The following ZNF518B variants were observed in gnomAD, a reference collection of about 807,000 sequenced individuals.
ZNF518B encodes zinc finger protein 518B.
In ZNF518B, 23 loss-of-function variants were observed where a neutral mutation model predicts 56.3. The ratio of observed to expected loss-of-function variants is 0.41; its 90% confidence interval spans 0.29 to 0.58. ZNF518B has a LOEUF of 0.58. Ranked by LOEUF, ZNF518B falls within the 20% of genes least tolerant of loss-of-function variation. The pLI is 0.32. For missense variants in ZNF518B, 1,460 were observed against 1,272.1 expected, an observed-to-expected ratio of 1.15 and a Z score of -2.25; for synonymous variants, 529 against 465.9, an observed-to-expected ratio of 1.14 and a Z score of -1.74.
intron 2 of ZNF518B, among the ~76,000 whole-genome samples, chr4:10,448,729 C>T (rs1715175136): frequency 6.6e-6 from 1 of 152,118 alleles, no homozygotes; most frequent in Non-Finnish European, 1.5e-5. Flanking sequence ...TGATTTTGCA[C>T]AGGACACATG....
upstream of ZNF518B, among the ~76,000 whole-genome samples, chr4:10,457,800 G>A (rs1017220106): frequency 6.6e-6 from 1 of 152,220 alleles, no homozygotes; most frequent in African/African-American, 2.4e-5. Context: ...CAGGTCCTCA[G>A]CCTCCAAACT....
intron 2 of ZNF518B, among the ~76,000 whole-genome samples, chr4:10,448,802 T>A (rs1280662183): frequency 6.6e-6 from 1 of 152,162 alleles, no homozygotes; most frequent in Non-Finnish European, 1.5e-5. Flanking sequence ...ACACTGCATT[T>A]CTGGAAGAGA....
Position 10,440,083 on chromosome 4 carries a change from C to T in ZNF518B, c.*3021G>A, listed in dbSNP as rs922374783. The T allele has an allele frequency of 6.6e-5, 10 of 152,464 alleles. No individual in the cohort carries two copies. The highest frequency in any genetic ancestry group is 2.6e-4 in the Admixed American group (4 of 15,264). The allele number at this position is 152,464 out of a possible 1,614,324, so 9.4% of individuals were successfully genotyped here. On this transcript the variant is annotated 3_prime_UTR_variant, in exon 3 of 3. Transcript: ENST00000326756. ...CAGATTTAAAAATTATTCCAAAGGCCGAGCAACATCACATCTTCAACTTCT... is the reference window on the plus strand; with the variant it reads ...CAGATTTAAAAATTATTCCAAAGGCTGAGCAACATCACATCTTCAACTTCT...
chr4:10,443,039 T>C lies in ZNF518B; in HGVS notation c.*65A>G, dbSNP rs1439050925. ...CAGTCTGTATTTCTTCTACTGAATCTTGGTGGAGGGACTCCAAACCAGAAT... is the reference window on the plus strand; with the variant it reads ...CAGTCTGTATTTCTTCTACTGAATCCTGGTGGAGGGACTCCAAACCAGAAT... On this transcript the variant is annotated 3_prime_UTR_variant, in exon 3 of 3. Coordinates refer to ENST00000326756, the MANE Select transcript of ZNF518B (RefSeq NM_053042.3). 7 of 1,391,948 alleles carry C rather than the reference T, an allele frequency of 5.0e-6. No homozygotes were observed. In the South Asian group the frequency reaches 9.5e-5, roughly 19 times the overall value. The allele number at this position is 1,391,948 out of a possible 1,614,324, so 86.2% of individuals were successfully genotyped here. A position where few individuals can be genotyped will look rare whatever the true frequency, so the allele number is the denominator to read the frequency against.
chr4:10,446,429 G>A lies in ZNF518B; in HGVS notation c.-101C>T. The stretch of plus-strand genomic sequence containing the variant: ...TCTATACAGTTTGTGATGGGTAGGG[G>A]CGCAGCTACTTCTTGGGTGCATACT... On this transcript the variant is annotated 5_prime_UTR_variant, in exon 3 of 3. Transcript: ENST00000326756. The A allele has an allele frequency of 2.7e-6, 3 of 1,123,712 alleles. No individual in the cohort carries two copies. The highest frequency in any genetic ancestry group is 1.5e-5 in the South Asian group (1 of 65,090). The allele number at this position is 1,123,712 out of a possible 1,614,324, so 69.6% of individuals were successfully genotyped here. A position where few individuals can be genotyped will look rare whatever the true frequency, so the allele number is the denominator to read the frequency against.
Position 10,444,055 on chromosome 4 carries a change from G to A in ZNF518B, c.2274C>T (p.Ser758=), listed in dbSNP as rs751589648. ...FADGSNRKTK[S]RVARKAHVAT... The stretch of plus-strand genomic sequence containing the variant: ...CAACATGAGCCTTCCTGGCCACTCT[G>A]CTTTTGGTTTTCCTATTACTGCCAT... Residue 758 remains serine (S), a synonymous_variant, in exon 3 of 3, where the codon AGC becomes AGT. Coordinates refer to ENST00000326756, the MANE Select transcript of ZNF518B (RefSeq NM_053042.3). 2 of 1,614,210 alleles carry A rather than the reference G, an allele frequency of 1.2e-6. No homozygotes were observed. The highest frequency in any genetic ancestry group is 8.5e-7 in the Non-Finnish European group (1 of 1,180,040).
rs376163370 is a variant in ZNF518B at position 10,445,524 on chromosome 4, T to C, written c.805A>G (p.Lys269Glu). The change falls in exon 3 of 3, where the codon AAA becomes GAA. Residue 269 changes from lysine (K) to glutamate (E), a missense_variant. Coordinates refer to ENST00000326756, the MANE Select transcript of ZNF518B (RefSeq NM_053042.3). ...AACATGATATTGTGCATTTTGTCTTTATTTGCATGGAGAGAGAAACCTGAC... is the reference window on the plus strand; with the variant it reads ...AACATGATATTGTGCATTTTGTCTTCATTTGCATGGAGAGAGAAACCTGAC... Reference protein sequence around the residue: ...QLSGFSLHANKDKMHNIMLLP... With the variant: ...QLSGFSLHANEDKMHNIMLLP... 116 of 1,614,222 alleles carry C rather than the reference T, an allele frequency of 7.2e-5. No individual in the cohort carries two copies. In the East Asian group the frequency reaches 2.0e-3, roughly 29 times the overall value.
chr4:10,442,291 T>G lies in ZNF518B; in HGVS notation c.*813A>C, dbSNP rs1412730735. ...CCTAGCATTTTAAATTGGTCACTTATGTTTCTGGGAGTGGTAAGGGCAAAG... is the reference window on the plus strand; with the variant it reads ...CCTAGCATTTTAAATTGGTCACTTAGGTTTCTGGGAGTGGTAAGGGCAAAG... On this transcript the variant is annotated 3_prime_UTR_variant, in exon 3 of 3. Transcript: ENST00000326756. The G allele has an allele frequency of 6.6e-6, 1 of 152,266 alleles. No homozygotes were observed. The highest frequency in any genetic ancestry group is 1.5e-5 in the Non-Finnish European group (1 of 68,040). The allele number at this position is 152,266 out of a possible 1,614,324, so 9.4% of individuals were successfully genotyped here.
chr4:10,457,002 C>G (rs1192371833), intron 1 of ZNF518B: 1 of 149,800 alleles, frequency 6.7e-6, no homozygotes, highest in Non-Finnish European at 1.5e-5. Flanking sequence ...CAAAGGCGAG[C>G]TGGGGGCGCC....
chr4:10,447,080 A>G (rs1252768558), intron 2 of ZNF518B, among the ~76,000 whole-genome samples: 1 of 152,168 alleles, frequency 6.6e-6, no homozygotes, highest in Non-Finnish European at 1.5e-5. Context: ...CATAATACTG[A>G]CAATGTTAGC....
Position 10,445,767 on chromosome 4 carries a change from A to G in ZNF518B, c.562T>C (p.Phe188Leu), listed in dbSNP as rs1715008940. 9 of 1,614,226 alleles carry G rather than the reference A, an allele frequency of 5.6e-6. No homozygotes were observed. Among genetic ancestry groups the G allele is most frequent in the Non-Finnish European group, 7.6e-6 (9 of 1,180,036 alleles). ...QRHLVKHTGI[F>L]PYQCEYCDYG... is the part of the protein sequence containing the mutation. ...TCACAATACTCACACTGATAAGGAA[A>G]TATGCCTGTGTGTTTCACCAAATGC... The change falls in exon 3 of 3, where the codon TTT (phenylalanine) becomes CTT (leucine). Residue 188 changes from phenylalanine (F) to leucine (L), a missense_variant. Transcript: ENST00000326756.
upstream of ZNF518B, among the ~76,000 whole-genome samples, chr4:10,459,003 G>A (rs1715660176): frequency 6.6e-6 from 1 of 152,146 alleles, no homozygotes; most frequent in Non-Finnish European, 1.5e-5. Flanking sequence ...AGGTACCTGT[G>A]GGTCTCCTGG....
intron 2 of ZNF518B, chr4:10,450,982 G>C (rs4426767): frequency 1.3e-5 from 2 of 152,242 alleles, no homozygotes; most frequent in African/African-American, 2.4e-5. Context: ...TGTAGAATAA[G>C]GTACAGCATG....
In ZNF518B at chr4:10,443,660, T is replaced by C. The variant is rs749336124; in HGVS notation, c.2669A>G (p.Lys890Arg). 3 of 1,613,924 alleles carry C rather than the reference T, an allele frequency of 1.9e-6. No individual in the cohort carries two copies. Among genetic ancestry groups the C allele is most frequent in the African/African-American group, 1.3e-5 (1 of 74,900 alleles). Residue 890 changes from lysine (K) to arginine (R), a missense_variant, in exon 3 of 3, where the codon AAA becomes AGA. Coordinates refer to ENST00000326756, the MANE Select transcript of ZNF518B (RefSeq NM_053042.3). ...LSRSLSISRN[K>R]TKQVHLSRKK... ...CCTGGATAAGTGTACTTGTTTGGTT[T>C]TATTTCTACTTATAGAAAGACTTCT... is the stretch of plus-strand genomic sequence containing the variant.
chr4:10,453,626 A>T (rs1715415431), intron 2 of ZNF518B: 1 of 152,218 alleles, frequency 6.6e-6, no homozygotes, highest in Non-Finnish European at 1.5e-5. Flanking sequence ...TATATGGTAA[A>T]AATAAGGTAG....
intron 2 of ZNF518B, chr4:10,453,484 T>C (rs938932592): frequency 9.2e-5 from 14 of 152,164 alleles, no homozygotes; most frequent in African/African-American, 1.7e-4. Context: ...AGTGATATTA[T>C]AGGCTTTTTC....
upstream of ZNF518B, among the ~76,000 whole-genome samples, chr4:10,457,882 C>T (rs1247988558): frequency 6.6e-6 from 1 of 152,232 alleles, no homozygotes; most frequent in African/African-American, 2.4e-5. Flanking sequence ...TCTCCCTACT[C>T]CTTTACATCT....
Position 10,446,196 on chromosome 4 carries a change from A to G in ZNF518B, c.133T>C (p.Tyr45His). 1 of 1,614,208 alleles carries G rather than the reference A, an allele frequency of 6.2e-7. No individual in the cohort carries two copies. The highest frequency in any genetic ancestry group is 8.5e-7 in the Non-Finnish European group (1 of 1,180,026). The change falls in exon 3 of 3, where the codon TAT (tyrosine) becomes CAT (histidine). Residue 45 changes from tyrosine (Y) to histidine (H), a missense_variant. Physicochemically the swap from Tyr to His is moderately conservative, Grantham distance 83 (BLOSUM62 2). Transcript: ENST00000326756. ...GCAGCCTCTGCCTCTGAGCCTTGAT[A>G]CAAAAGGGTTTGTGCTTCTTGTCTA... Reference protein sequence around the residue: ...PNRQEAQTLLYQGSEAEAAMM... With the variant: ...PNRQEAQTLLHQGSEAEAAMM...
chr4:10,443,541 G>A lies in ZNF518B; in HGVS notation c.2788C>T (p.Pro930Ser), dbSNP rs147759499. ...CGGGGACACTTAATCAACTGATCTG[G>A]CTTAGCTGCTATCAGTCTTAGTTGC... ...ARQLRLIAAKPDQLIKCPRRN... is the reference protein window; with the variant it reads ...ARQLRLIAAKSDQLIKCPRRN... Residue 930 changes from proline (P) to serine (S), a missense_variant, in exon 3 of 3, where the codon CCA becomes TCA. Physicochemically the swap from Pro to Ser is moderately conservative, Grantham distance 74. Coordinates refer to ENST00000326756, the MANE Select transcript of ZNF518B (RefSeq NM_053042.3). 8.1e-6 allele frequency: 13 copies of A among 1,614,000 alleles called. No homozygotes were observed. The Admixed American group carries it at 2.0e-4, about 25-fold the overall frequency.
Sources: gnomAD v4.1 joint callset for allele counts (sites outside exome capture counted in the v4.1 genomes callset) on GRCh38, gnomAD v4.1.1 for gene constraint, MANE v1.5 for transcripts, NCBI Gene and HGNC (gene_info 2026-07-23, HGNC 2026-07-21) for gene names.